The following CKAP4 variants were observed in gnomAD, a reference collection of about 807,000 sequenced individuals.
CKAP4 encodes the protein cytoskeleton associated protein 4, also known as cytoskeleton-associated protein 4.
Under a neutral mutation model 24.4 loss-of-function variants are expected in CKAP4, and 20 were observed. The observed-to-expected ratio is 0.82, with a 90% CI of 0.58 to 1.19. CKAP4 has a LOEUF of 1.19. Among genes scored for constraint, CKAP4 ranks in the 50% most tolerant of loss-of-function variants. The probability of loss-of-function intolerance (pLI) is 0.00; values close to 1 mark genes in which losing one functional copy is unlikely to be tolerated. For missense variants in CKAP4, 744 were observed against 765.3 expected (o/e 0.97, Z 0.33); for synonymous variants, 378 against 351.7 (o/e 1.07, Z -0.84).
chr12:106,239,808 G>A lies in CKAP4; in HGVS notation c.1025C>T (p.Ala342Val). The change falls in exon 2 of 2, where the codon GCC becomes GTC. Residue 342 changes from alanine (A) to valine (V), a missense_variant. Ala to Val is a moderately conservative substitution (Grantham distance 64). This residue lies in a region of CKAP4 where 401 missense variants were observed against 424.5 expected (regional missense o/e 0.94). Transcript: ENST00000378026. This position sits in a 1 kb window ranked among gnomAD's most constrained non-coding sequence, Gnocchi z 4.9. ...CTGCAGGGCGAGCCGCTCCGTGTCGGCCGCCTCCTTGAAAGCCTGCTGCTC... is the reference window on the plus strand; with the variant it reads ...CTGCAGGGCGAGCCGCTCCGTGTCGACCGCCTCCTTGAAAGCCTGCTGCTC... ...KQEQQAFKEA[A>V]DTERLALQAL... 1 of 1,614,058 alleles carries A rather than the reference G, an allele frequency of 6.2e-7. No individual in the cohort carries two copies. The highest frequency in any genetic ancestry group is 2.2e-5 in the East Asian group (1 of 44,844).
chr12:106,239,450 T>C lies in CKAP4; in HGVS notation c.1383A>G (p.Ser461=). 1 of 1,603,064 alleles carries C rather than the reference T, an allele frequency of 6.2e-7. No individual in the cohort carries two copies. The highest frequency in any genetic ancestry group is 8.5e-7 in the Non-Finnish European group (1 of 1,179,612). Residue 461 remains serine, a synonymous_variant, in exon 2 of 2, where the codon TCA becomes TCG. Transcript: ENST00000378026. The surrounding 1 kb of genome is among the most constrained non-coding windows in gnomAD (Gnocchi z 4.9). ...LQGRLEGLGS[S]EADQDGLAST... ...TGGCCAGGCCATCCTGGTCTGCCTC[T>C]GAGGACCCGAGGCCTTCCAGGCGCC...
Position 106,239,738 on chromosome 12 carries a change from G to GCGGGAGA in CKAP4, c.1088_1094dup (p.Glu368ProfsTer35). 6.2e-7 allele frequency: 1 copy of GCGGGAGA among 1,614,056 alleles called. No homozygotes were observed. Among genetic ancestry groups the GCGGGAGA allele is most frequent in the Non-Finnish European group, 8.5e-7 (1 of 1,180,002 alleles). On this transcript the variant is annotated frameshift_variant, in exon 2 of 2. Coordinates refer to ENST00000378026, the MANE Select transcript of CKAP4 (RefSeq NM_006825.4). The surrounding 1 kb of genome is among the most constrained non-coding windows in gnomAD (Gnocchi z 4.9). The stretch of plus-strand genomic sequence containing the variant: ...CCAGTCTCCGGATCTCCTCCGGGAG[G>GCGGGAGA]CGGGAGACGGACTCCTCAGACCTGA...
At position 106,240,186 on chromosome 12, in the gene CKAP4, G is replaced by A. The variant is rs756998837; in HGVS notation, c.647C>T (p.Ser216Leu). The change falls in exon 2 of 2, where the codon TCG (serine) becomes TTG (leucine). Residue 216 changes from serine to leucine, a missense_variant. By Grantham distance (145) the Ser-to-Leu change is moderately radical. Coordinates refer to ENST00000378026, the MANE Select transcript of CKAP4 (RefSeq NM_006825.4). The stretch of plus-strand genomic sequence containing the variant: ...GTCCTTCACCACATGGATCCCATCC[G>A]AGAGGTCTTTGAGAATCTCATTCTG... Reference protein sequence around the residue: ...KLQNEILKDLSDGIHVVKDAR... With the variant: ...KLQNEILKDLLDGIHVVKDAR... 28 of 1,614,204 alleles carry A rather than the reference G, an allele frequency of 1.7e-5. No individual in the cohort carries two copies. The highest frequency in any genetic ancestry group is 2.4e-5 in the Non-Finnish European group (28 of 1,180,054).
At chr12:106,243,934 C>T (rs1452448928) in intron 1 of CKAP4, among the ~76,000 whole-genome samples, 1 of 152,212 alleles carries the variant, frequency 6.6e-6, no homozygotes, top group Non-Finnish European at 1.5e-5. Flanking sequence ...AATAGCATGG[C>T]TGACCCATAG....
chr12:106,240,641 CATG>C (rs1307079170), intron 1 of CKAP4, among the ~76,000 whole-genome samples: 1 of 140,842 alleles, frequency 7.1e-6, no homozygotes, highest in Non-Finnish European at 1.5e-5. Flanking sequence ...AAAGGTGGCA[CATG>C]GTGCCACCTT....
In CKAP4 at chr12:106,247,591, G is replaced by A. The variant is rs1369405730; in HGVS notation, c.261C>T (p.Ala87=). 1.6e-5 allele frequency: 22 copies of A among 1,405,166 alleles called. No homozygotes were observed. Among genetic ancestry groups the A allele is most frequent in the Non-Finnish European group, 2.0e-5 (22 of 1,080,044 alleles). 87.0% of individuals were successfully genotyped at this position (1,405,166 alleles called of 1,614,324 possible). A position where few individuals can be genotyped will look rare whatever the true frequency, so the allele number is the denominator to read the frequency against. Residue 87 remains alanine, a synonymous_variant, in exon 1 of 2, where the codon GCC becomes GCT. Coordinates refer to ENST00000378026, the MANE Select transcript of CKAP4 (RefSeq NM_006825.4). The surrounding 1 kb of genome is among the most constrained non-coding windows in gnomAD (Gnocchi z 4.5). ...ACGAGGCGGCGGCGGCGGCAGCGGC[G>A]GCGGAGGCGGAGGAGGAGGAGGAGG... is the stretch of plus-strand genomic sequence containing the variant. ...GKSSSSSSAS[A]AAAAAAASSS... is the part of the protein sequence containing the mutation.
intron 1 of CKAP4, 152 bp from the exon 2 acceptor site, chr12:106,240,501 A>T: frequency 1.1e-6 from 1 of 885,582 alleles, no homozygotes; most frequent in South Asian, 1.8e-5. Flanking sequence ...CATATAGTCC[A>T]TATGGTTTTA....
chr12:106,247,765 C>T lies in CKAP4; in HGVS notation c.87G>A (p.Ala29=). Residue 29 remains alanine (A), a synonymous_variant, in exon 1 of 2, where the codon GCG becomes GCA. Coordinates refer to ENST00000378026, the MANE Select transcript of CKAP4 (RefSeq NM_006825.4). The surrounding 1 kb of genome is among the most constrained non-coding windows in gnomAD (Gnocchi z 4.5). The part of the protein sequence containing the change: ...SEKGAHPSGG[A]DDVAKKPPPA... ...GCGGCGGCTTCTTCGCCACGTCATCCGCGCCGCCCGACGGGTGGGCACCCT... is the reference window on the plus strand; with the variant it reads ...GCGGCGGCTTCTTCGCCACGTCATCTGCGCCGCCCGACGGGTGGGCACCCT... The T allele has an allele frequency of 9.5e-7, 1 of 1,055,326 alleles. No homozygotes were observed. Among genetic ancestry groups the T allele is most frequent in the Non-Finnish European group, 1.1e-6 (1 of 880,492 alleles). The allele number at this position is 1,055,326 out of a possible 1,614,324, so 65.4% of individuals were successfully genotyped here.
chr12:106,241,751 C>G (rs2033972547), intron 1 of CKAP4, among the ~76,000 whole-genome samples: 1 of 152,232 alleles, frequency 6.6e-6, no homozygotes, highest in East Asian at 1.9e-4. Context: ...CCACTTCTGC[C>G]TAGTAAATTT....
At chr12:106,244,960 G>A (rs1489267469) in intron 1 of CKAP4, among the ~76,000 whole-genome samples, 2 of 152,136 alleles carry the variant, frequency 1.3e-5, no homozygotes, top group African/African-American at 4.8e-5. Flanking sequence ...GAGAAGGGGT[G>A]AGAAGCAAAA....
In CKAP4 at chr12:106,240,242, G is replaced by T; in HGVS notation, c.591C>A (p.Val197=). Reference sequence around the variant, plus strand: ...TCTGCAGCACTTCGCTGATCCGGCTGACCTCACTCTCCCCTTGCTTCACAG... The same window carrying T: ...TCTGCAGCACTTCGCTGATCCGGCTTACCTCACTCTCCCCTTGCTTCACAG... ...EKAVKQGESE[V]SRISEVLQKL... The change falls in exon 2 of 2, where the codon GTC becomes GTA. Residue 197 remains valine (V), a synonymous_variant. Coordinates refer to ENST00000378026, the MANE Select transcript of CKAP4 (RefSeq NM_006825.4). 1 of 1,614,172 alleles carries T rather than the reference G, an allele frequency of 6.2e-7. No individual in the cohort carries two copies. Among genetic ancestry groups the T allele is most frequent in the African/African-American group, 1.3e-5 (1 of 75,046 alleles).
intron 1 of CKAP4, among the ~76,000 whole-genome samples, chr12:106,241,331 CTTTTTTTTTTT>C (rs34135868): frequency 7.8e-6 from 1 of 127,520 alleles, no homozygotes; most frequent in Non-Finnish European, 1.6e-5. Flanking sequence ...GCCAGGGATT[CTTTTTTTTTTT>C]TTTTTTTTGA....
rs754006654 is a variant in CKAP4, at chr12:106,239,539, C to T, written c.1294G>A (p.Glu432Lys). 1.3e-5 allele frequency: 21 copies of T among 1,610,812 alleles called. No individual in the cohort carries two copies. The Admixed American group carries it at 2.2e-4, about 17-fold the overall frequency. ...SMQVASARQT[E>K]SLESLLSKSQ... ...TTGGACAGGAGGGACTCCAGGCTCT[C>T]GGTCTGGCGCGCAGAAGCCACCTGC... The change falls in exon 2 of 2, where the codon GAG becomes AAG. Residue 432 changes from glutamate (E) to lysine (K), a missense_variant. Around this residue, in one of 3 missense-constraint regions of CKAP4, gnomAD observed 401 missense variants for 424.5 expected, o/e 0.94. Coordinates refer to ENST00000378026, the MANE Select transcript of CKAP4 (RefSeq NM_006825.4). The surrounding 1 kb of genome is among the most constrained non-coding windows in gnomAD (Gnocchi z 4.9).
rs118008684 is a variant in CKAP4 at position 106,239,095 on chromosome 12, A to C, written c.1738T>G (p.Leu580Val). 21,180 of 1,613,890 alleles carry C rather than the reference A, an allele frequency of 0.013. 162 individuals are homozygous for C. The highest frequency in any genetic ancestry group is 0.016 in the Non-Finnish European group (18,730 of 1,179,964). Residue 580 changes from leucine to valine, a missense_variant, in exon 2 of 2, where the codon TTA becomes GTA. Leu to Val is a conservative substitution (Grantham distance 32). Coordinates refer to ENST00000378026, the MANE Select transcript of CKAP4 (RefSeq NM_006825.4). The surrounding 1 kb of genome is among the most constrained non-coding windows in gnomAD (Gnocchi z 4.9). ...AGATCATTCCTCAGGTCATCTAGTAAACCCTTGGCTGATTCCAGATTGTTC... is the reference window on the plus strand; with the variant it reads ...AGATCATTCCTCAGGTCATCTAGTACACCCTTGGCTGATTCCAGATTGTTC... ...NENNLESAKGLLDDLRNDLDR... is the reference protein window; with the variant it reads ...NENNLESAKGVLDDLRNDLDR...
At position 106,247,716 on chromosome 12, in the gene CKAP4, GCGGCGGCGGCTGCTGCGGCGC is replaced by G. The variant is rs1305294470; in HGVS notation, c.115_135del (p.Ala39_Pro45del). 202 of 1,033,606 alleles carry G rather than the reference GCGGCGGCGGCTGCTGCGGCGC, an allele frequency of 2.0e-4. 1 individual carries two copies. The highest frequency in any genetic ancestry group is 2.1e-4 in the Non-Finnish European group (180 of 864,916). The allele number at this position is 1,033,606 out of a possible 1,614,324, so 64.0% of individuals were successfully genotyped here. A position where few individuals can be genotyped will look rare whatever the true frequency, so the allele number is the denominator to read the frequency against. ...TGCTGCTGCGGGTGCGGCGCGGGCG[GCGGCGGCGGCTGCTGCGGCGC>G]CGGCGGCGGCTTCTTCGCCACGTCA... is the stretch of plus-strand genomic sequence containing the variant. On this transcript the variant is annotated inframe_deletion, in exon 1 of 2. Transcript: ENST00000378026. This position sits in a 1 kb window ranked among gnomAD's most constrained non-coding sequence, Gnocchi z 4.5.
At chr12:106,240,407 C>G (rs895911630) in intron 1 of CKAP4, 58 bp from the exon 2 acceptor site, 12 of 1,541,868 alleles carry the variant, frequency 7.8e-6, no homozygotes, top group South Asian at 1.3e-5. Context: ...TCACATGATA[C>G]AACTTTTTTT....
rs2033924218 is a variant in CKAP4, at chr12:106,238,080, G to A, written c.*944C>T. The A allele has an allele frequency of 7.7e-6, 1 of 129,774 alleles. No individual in the cohort carries two copies. The highest frequency in any genetic ancestry group is 1.6e-5 in the Non-Finnish European group (1 of 64,116). The allele number at this position is 129,774 out of a possible 1,614,324, so 8.0% of individuals were successfully genotyped here. A position where few individuals can be genotyped will look rare whatever the true frequency, so the allele number is the denominator to read the frequency against. ...ACAGCTCAGAGGGAAGGGAGATACA[G>A]CAAACAATTACACAAACGCAGTATG... On this transcript the variant is annotated 3_prime_UTR_variant, in exon 2 of 2. Transcript: ENST00000378026.
In CKAP4 at chr12:106,240,451, G is replaced by C. The variant is rs948865647; in HGVS notation, c.484-102C>G. On this transcript the variant is annotated intron_variant, in intron 1 of 1. Coordinates refer to ENST00000378026, the MANE Select transcript of CKAP4 (RefSeq NM_006825.4). ...AGCCTCCAGGTCCTGTTTTTTTCCA[G>C]AATGTCACCACAATTTTCCTTTGGA... is the stretch of plus-strand genomic sequence containing the variant. 16 of 1,305,324 alleles carry C rather than the reference G, an allele frequency of 1.2e-5. No homozygotes were observed. In the Admixed American group the frequency reaches 1.8e-4, roughly 15 times the overall value. The allele number at this position is 1,305,324 out of a possible 1,614,324, so 80.9% of individuals were successfully genotyped here.
intron 1 of CKAP4, among the ~76,000 whole-genome samples, chr12:106,245,328 C>T (rs1302275338): frequency 5.3e-5 from 8 of 152,042 alleles, no homozygotes. Flanking sequence ...TCTTTTGCTC[C>T]TTCATACCCT....
Sources: allele counts gnomAD v4.1 joint callset (sites outside exome capture counted in the v4.1 genomes callset), GRCh38; gene constraint gnomAD v4.1.1; regional missense constraint gnomAD v4.1.1; non-coding constraint Gnocchi (gnomAD v3.1); transcripts MANE v1.5; gene names NCBI Gene and HGNC (gene_info 2026-07-23, HGNC 2026-07-21).